Variants in AUTS2 observed in about 807,000 individuals in gnomAD.
The protein encoded by AUTS2 is autism susceptibility gene 2 protein.
Under a neutral mutation model 112.4 loss-of-function variants are expected in AUTS2, and 17 were observed. That is an observed-to-expected ratio of 0.15 (90% CI 0.10 to 0.23). The LOEUF is 0.23. Among genes scored for constraint, AUTS2 ranks in the 10% least tolerant of loss-of-function variants. The pLI, the probability that AUTS2 is intolerant of heterozygous loss-of-function variation, is 1.00. For missense variants in AUTS2, 1,510 were observed against 1,701.6 expected (o/e 0.89, Z 1.98); for synonymous variants, 751 against 702.7 (o/e 1.07, Z -1.09).
intron 4 of AUTS2, among the ~76,000 whole-genome samples, chr7:70,404,871 T>A (rs1408159599): frequency 6.6e-6 from 1 of 152,172 alleles, no homozygotes; most frequent in Non-Finnish European, 1.5e-5. Context: ...AACTACTGCG[T>A]CTACCCAGAT....
At chr7:70,043,541 T>TTCCCTCCCTCCC (rs939767665) in intron 2 of AUTS2, among the ~76,000 whole-genome samples, 92 of 141,214 alleles carry the variant, frequency 6.5e-4, no homozygotes, top group African/African-American at 2.3e-3. Flanking sequence ...CCTTGCCTCC[T>TTCCCTCCCTCCC]TCCCTCCCTT....
At chr7:70,186,368 T>G (rs1441736984) in intron 4 of AUTS2, among the ~76,000 whole-genome samples, 1 of 152,148 alleles carries the variant, frequency 6.6e-6, no homozygotes, top group Non-Finnish European at 1.5e-5. Flanking sequence ...AAGTCTCTTT[T>G]CAGCTTAAGA....
intron 2 of AUTS2, among the ~76,000 whole-genome samples, chr7:69,978,610 A>G (rs1798153439): frequency 6.6e-6 from 1 of 152,204 alleles, no homozygotes; most frequent in South Asian, 2.1e-4. Flanking sequence ...AGGCCAAGGC[A>G]GGATGATTGC....
intron 4 of AUTS2, among the ~76,000 whole-genome samples, chr7:70,338,341 A>G (rs570482270): frequency 6.6e-6 from 1 of 152,310 alleles, no homozygotes; most frequent in South Asian, 2.1e-4. Context: ...GCCTAATTAC[A>G]TGTTGGAGGA....
chr7:70,710,352 C>G (rs1809985422), intron 6 of AUTS2, among the ~76,000 whole-genome samples: 1 of 152,142 alleles, frequency 6.6e-6, no homozygotes, highest in Non-Finnish European at 1.5e-5. Context: ...TGAAATGAGG[C>G]TTGCATGGGC....
intron 5 of AUTS2, among the ~76,000 whole-genome samples, chr7:70,593,755 C>T (rs1042771031): frequency 2.6e-5 from 4 of 152,310 alleles, no homozygotes; most frequent in Middle Eastern, 6.8e-3. Context: ...GCTGAGTCCC[C>T]TTGGTGGGAC....
At chr7:70,483,215 T>C (rs1286639651) in intron 5 of AUTS2, among the ~76,000 whole-genome samples, 1 of 142,076 alleles carries the variant, frequency 7.0e-6, no homozygotes, top group African/African-American at 2.7e-5. Context: ...TGCTCCAGTT[T>C]ATCTCCAAGG....
intron 1 of AUTS2, among the ~76,000 whole-genome samples, chr7:69,636,119 T>A (rs1204874022): frequency 6.6e-6 from 1 of 152,236 alleles, no homozygotes; most frequent in Non-Finnish European, 1.5e-5. Context: ...AAGTGATGTG[T>A]GCTTATTTTA....
intron 5 of AUTS2, among the ~76,000 whole-genome samples, chr7:70,544,851 C>T (rs1040085566): frequency 1.3e-5 from 2 of 152,058 alleles, no homozygotes; most frequent in African/African-American, 2.4e-5. Flanking sequence ...CCCATGAAGA[C>T]GGCTTATTTA....
At chr7:70,351,890 C>T (rs1791784951) in intron 4 of AUTS2, among the ~76,000 whole-genome samples, 1 of 151,514 alleles carries the variant, frequency 6.6e-6, no homozygotes, top group Non-Finnish European at 1.5e-5. Context: ...TTAGTAGAGA[C>T]AGTGGTTTCA....
At chr7:69,803,291 C>T (rs981272375) in intron 1 of AUTS2, among the ~76,000 whole-genome samples, 11 of 152,174 alleles carry the variant, frequency 7.2e-5, no homozygotes, top group African/African-American at 2.4e-4. Context: ...TTGGAGAGAA[C>T]TCTTGAATAA....
chr7:69,678,225 C>T (rs1278057008), intron 1 of AUTS2, among the ~76,000 whole-genome samples: 3 of 151,956 alleles, frequency 2.0e-5, no homozygotes, highest in African/African-American at 7.3e-5. Context: ...TGGAGGAAGC[C>T]AGGCCTGTGG....
Position 70,039,100 on chromosome 7 carries a change from C to T in AUTS2, c.523-79032C>T, listed in dbSNP as rs1007390075. Reference sequence around the variant, plus strand: ...AAGAGGAGTTATAAGACCCACAAACCTTACAATTATTGTAAAAATTGGTAA... The same window carrying T: ...AAGAGGAGTTATAAGACCCACAAACTTTACAATTATTGTAAAAATTGGTAA... On this transcript the variant is annotated intron_variant, in intron 2 of 18. Transcript: ENST00000342771. Among the ~76,000 whole-genome samples the T allele has an allele frequency of 3.3e-5, 5 of 151,950 alleles. No homozygotes were observed. In the South Asian group the frequency reaches 8.3e-4, roughly 25 times the overall value.
chr7:70,001,507 A>G (rs1703940916), intron 2 of AUTS2, among the ~76,000 whole-genome samples: 1 of 152,152 alleles, frequency 6.6e-6, no homozygotes, highest in East Asian at 1.9e-4. Context: ...GCTGAGTGAT[A>G]CAGAATGCAG....
At chr7:70,496,229 G>T (rs1380675906) in intron 5 of AUTS2, among the ~76,000 whole-genome samples, 1 of 60,578 alleles carries the variant, frequency 1.7e-5, no homozygotes, top group African/African-American at 7.1e-5. Context: ...CACACACCAC[G>T]TACACAGTCA....
chr7:70,645,612 A>G (rs540947555), intron 5 of AUTS2, among the ~76,000 whole-genome samples: 2 of 152,216 alleles, frequency 1.3e-5, no homozygotes, highest in Non-Finnish European at 2.9e-5. Flanking sequence ...CGAAGGCAAG[A>G]GATGTATCTT....
At chr7:69,990,560 A>G (rs1798705755) in intron 2 of AUTS2, among the ~76,000 whole-genome samples, 1 of 152,104 alleles carries the variant, frequency 6.6e-6, no homozygotes, top group Non-Finnish European at 1.5e-5. Flanking sequence ...TGGAGGGAAA[A>G]TGTGGATACA....
At chr7:70,441,669 G>A (rs995259549) in intron 5 of AUTS2, among the ~76,000 whole-genome samples, 5 of 152,204 alleles carry the variant, frequency 3.3e-5, no homozygotes, top group African/African-American at 4.8e-5. Flanking sequence ...TTACAGGCAT[G>A]AGCAACCATG....
rs969589218 is a variant in AUTS2 at position 69,870,316 on chromosome 7, T to A, written c.310-28970T>A. ...CAAATCATATTGCTTAAGTTAAAGCTAAAGTAGATATTTAGGTTAAAAATT... is the reference window on the plus strand; with the variant it reads ...CAAATCATATTGCTTAAGTTAAAGCAAAAGTAGATATTTAGGTTAAAAATT... On this transcript the variant is annotated intron_variant, in intron 1 of 18. Transcript: ENST00000342771. Among the ~76,000 whole-genome samples, 5 of 151,576 alleles carry A rather than the reference T, an allele frequency of 3.3e-5. No individual in the cohort carries two copies. The Admixed American group carries it at 3.3e-4, about 10-fold the overall frequency.
Sources: allele counts gnomAD v4.1 joint callset (sites outside exome capture counted in the v4.1 genomes callset), GRCh38; gene constraint gnomAD v4.1.1; transcripts MANE v1.5; gene names NCBI Gene and HGNC (gene_info 2026-07-23, HGNC 2026-07-21).